Variants in ZDHHC3 observed in about 807,000 individuals in gnomAD.
ZDHHC3 encodes zDHHC palmitoyltransferase 3, also known as palmitoyltransferase ZDHHC3.
ZDHHC3 carries 9 observed loss-of-function variants against 30.6 expected under a neutral mutation model. The observed-to-expected ratio is 0.29, with a 90% CI of 0.18 to 0.51. ZDHHC3 has a LOEUF of 0.51. Among genes scored for constraint, ZDHHC3 ranks in the 20% least tolerant of loss-of-function variants. The pLI is 0.97. For synonymous variants in ZDHHC3, 136 were observed against 140.2 expected (o/e 0.97, Z 0.21); for missense variants, 246 against 384.2 (o/e 0.64, Z 3.01).
intron 4 of ZDHHC3, 145 bp from the exon 5 acceptor site, chr3:44,933,344 G>T: frequency 2.8e-6 from 2 of 712,326 alleles, no homozygotes; most frequent in East Asian, 5.3e-5. Flanking sequence ...GGGCCAGCTA[G>T]CGATTCCCTA....
intron 3 of ZDHHC3, chr3:44,938,181 A>G (rs1304989217): frequency 9.7e-6 from 2 of 205,378 alleles, no homozygotes; most frequent in Non-Finnish European, 2.0e-5. Context: ...ACGGGGTTTC[A>G]CCATGTTGGC....
In ZDHHC3 at chr3:44,922,814, C is replaced by A; in HGVS notation, c.*3875G>T. The A allele has an allele frequency of 1.0e-6, 1 of 985,194 alleles. No homozygotes were observed. Among genetic ancestry groups the A allele is most frequent in the Non-Finnish European group, 1.2e-6 (1 of 829,780 alleles). The allele number at this position is 985,194 out of a possible 1,614,324, so 61.0% of individuals were successfully genotyped here. ...AGTTCTCAGGTGATGCTGATGTTGA[C>A]GTTGCTGGTCTGGCAACCTCAAGAA... On this transcript the variant is annotated 3_prime_UTR_variant, in exon 7 of 7. Transcript: ENST00000424952.
At chr3:44,938,015 G>A (rs745317467) in intron 3 of ZDHHC3, 33 of 389,152 alleles carry the variant, frequency 8.5e-5, no homozygotes, top group Non-Finnish European at 1.2e-4. Context: ...ACAGAGTCTC[G>A]CTCTGTTGCC....
chr3:44,917,823 C>T lies in ZDHHC3; in HGVS notation c.*8866G>A, dbSNP rs1700290054. ...CTGGGAGCGCACCATGCCCATAAGC[C>T]CCTTTAGCCAAAACCCCAGGATGAA... On this transcript the variant is annotated 3_prime_UTR_variant, in exon 7 of 7. Coordinates refer to ENST00000424952, the MANE Select transcript of ZDHHC3 (RefSeq NM_001135179.2). 3 of 1,265,510 alleles carry T rather than the reference C, an allele frequency of 2.4e-6. No homozygotes were observed. Among genetic ancestry groups the T allele is most frequent in the Admixed American group, 2.4e-5 (1 of 42,406 alleles). 78.4% of individuals were successfully genotyped at this position (1,265,510 alleles called of 1,614,324 possible). A position where few individuals can be genotyped will look rare whatever the true frequency, so the allele number is the denominator to read the frequency against.
In ZDHHC3 at chr3:44,976,139, G is replaced by A. The variant is rs1024826296; in HGVS notation, c.-231C>T. On this transcript the variant is annotated 5_prime_UTR_variant, in exon 1 of 7. Transcript: ENST00000424952. ...CCATCGAGCTCTCCCGGCAGTGGCG[G>A]CGGCCGCGGCTGCAGGAGCGGCCGC... 3.2e-6 allele frequency: 2 copies of A among 629,642 alleles called. No homozygotes were observed. The highest frequency in any genetic ancestry group is 2.4e-6 in the Non-Finnish European group (1 of 417,568). 39.0% of individuals were successfully genotyped at this position (629,642 alleles called of 1,614,324 possible).
Position 44,924,476 on chromosome 3 carries a change from CTA to C in ZDHHC3, c.*2211_*2212del. The C allele has an allele frequency of 1.0e-6, 1 of 985,368 alleles. No individual in the cohort carries two copies. The highest frequency in any genetic ancestry group is 1.2e-6 in the Non-Finnish European group (1 of 829,912). 61.0% of individuals were successfully genotyped at this position (985,368 alleles called of 1,614,324 possible). A position where few individuals can be genotyped will look rare whatever the true frequency, so the allele number is the denominator to read the frequency against. ...CCTATACAAAACCAGAGGCAGAATC[CTA>C]TAGGATATCTGAAGGAACCCCACTC... On this transcript the variant is annotated 3_prime_UTR_variant, in exon 7 of 7. Transcript: ENST00000424952.
In ZDHHC3 at chr3:44,919,638, G is replaced by A. The variant is rs1455425075; in HGVS notation, c.*7051C>T. ...GCAAATGATGCAGTGTGGGATCCTG[G>A]AACAGAAAAGGGTGTTAATGGGACA... On this transcript the variant is annotated 3_prime_UTR_variant, in exon 7 of 7. Transcript: ENST00000424952. 6.6e-6 allele frequency among the ~76,000 whole-genome samples: 1 copy of A among 152,216 alleles called. No individual in the cohort carries two copies. The highest frequency in any genetic ancestry group is 2.4e-5 in the African/African-American group (1 of 41,456).
rs1045148204 is a variant in ZDHHC3, at chr3:44,921,905, T to C, written c.*4784A>G. The C allele has an allele frequency of 4.1e-6, 4 of 985,286 alleles. No homozygotes were observed. Among genetic ancestry groups the C allele is most frequent in the Admixed American group, 1.2e-4 (2 of 16,258 alleles). 61.0% of individuals were successfully genotyped at this position (985,286 alleles called of 1,614,324 possible). The stretch of plus-strand genomic sequence containing the variant: ...TCCGTGTTAGAGCATGTGCGGCCCC[T>C]AGAAGGCTTTTAGCGAACGTCCCTC... On this transcript the variant is annotated 3_prime_UTR_variant, in exon 7 of 7. Coordinates refer to ENST00000424952, the MANE Select transcript of ZDHHC3 (RefSeq NM_001135179.2).
chr3:44,922,611 C>T lies in ZDHHC3; in HGVS notation c.*4078G>A. ...TGCTGAGCCCAGCAGCACACAAGAC[C>T]CATATCACCAGCAGGCATCAGGGAC... On this transcript the variant is annotated 3_prime_UTR_variant, in exon 7 of 7. Transcript: ENST00000424952. 1.0e-6 allele frequency: 1 copy of T among 985,328 alleles called. No individual in the cohort carries two copies. The highest frequency in any genetic ancestry group is 1.2e-6 in the Non-Finnish European group (1 of 829,912). The allele number at this position is 985,328 out of a possible 1,614,324, so 61.0% of individuals were successfully genotyped here.
Position 44,967,176 on chromosome 3 carries a change from GT to G in ZDHHC3, c.-24-7717del, listed in dbSNP as rs1559723184. 2.0e-5 allele frequency among the ~76,000 whole-genome samples: 3 copies of G among 152,324 alleles called. No individual in the cohort carries two copies. In the South Asian group the frequency reaches 6.2e-4, roughly 32 times the overall value. On this transcript the variant is annotated intron_variant, in intron 1 of 6. Coordinates refer to ENST00000424952, the MANE Select transcript of ZDHHC3 (RefSeq NM_001135179.2). ...CATTGAGGAAACCAGGAAGTGGTCG[GT>G]AAACCGAAATTTCCTTCTTGCCTCA...
intron 1 of ZDHHC3, among the ~76,000 whole-genome samples, chr3:44,965,606 T>C (rs1704877037): frequency 6.6e-6 from 1 of 152,176 alleles, no homozygotes; most frequent in Non-Finnish European, 1.5e-5. Context: ...CTAATCTTTA[T>C]CATGTGGCAA....
intron 2 of ZDHHC3, among the ~76,000 whole-genome samples, chr3:44,955,495 A>C: frequency 6.7e-6 from 1 of 148,790 alleles, no homozygotes; most frequent in Middle Eastern, 3.5e-3. Context: ...ATATATTTTA[A>C]ACTAGTAATG....
At chr3:44,954,770 C>T (rs1237401599) in intron 2 of ZDHHC3, among the ~76,000 whole-genome samples, 2 of 152,118 alleles carry the variant, frequency 1.3e-5, no homozygotes, top group African/African-American at 2.4e-5. Context: ...CAATCTACAT[C>T]TGTCACGTTT....
At chr3:44,963,472 T>G (rs551090066) in intron 1 of ZDHHC3, among the ~76,000 whole-genome samples, 2 of 147,632 alleles carry the variant, frequency 1.4e-5, no homozygotes, top group East Asian at 4.0e-4. Flanking sequence ...TTCCTTAAAT[T>G]AGCCAACTGA....
At chr3:44,958,475 G>C in intron 2 of ZDHHC3, 1 of 912,040 alleles carries the variant, frequency 1.1e-6, no homozygotes, top group Non-Finnish European at 1.7e-6. Flanking sequence ...AAAAGGAACA[G>C]AACAGAGGGT....
At chr3:44,953,866 T>G (rs1161669326) in intron 2 of ZDHHC3, among the ~76,000 whole-genome samples, 1 of 152,210 alleles carries the variant, frequency 6.6e-6, no homozygotes, top group Non-Finnish European at 1.5e-5. Flanking sequence ...GCAGTGAATG[T>G]GCCAATACTT....
At chr3:44,935,253 C>T (rs1575810488) in intron 3 of ZDHHC3, among the ~76,000 whole-genome samples, 1 of 152,270 alleles carries the variant, frequency 6.6e-6, no homozygotes, top group East Asian at 1.9e-4. Context: ...TGTCTCACAC[C>T]CCCCTTCGAG....
At chr3:44,969,577 G>C (rs1296446442) in intron 1 of ZDHHC3, 1 of 152,188 alleles carries the variant, frequency 6.6e-6, no homozygotes, top group Non-Finnish European at 1.5e-5. Context: ...GAGGAGTATT[G>C]ATGTTTCCAT....
At position 44,959,596 on chromosome 3, in the gene ZDHHC3, A is replaced by C; in HGVS notation, c.-24-136T>G. 1.5e-6 allele frequency: 1 copy of C among 688,622 alleles called. No homozygotes were observed. The highest frequency in any genetic ancestry group is 1.9e-5 in the South Asian group (1 of 51,524). 42.7% of individuals were successfully genotyped at this position (688,622 alleles called of 1,614,324 possible). On this transcript the variant is annotated intron_variant, in intron 1 of 6. Coordinates refer to ENST00000424952, the MANE Select transcript of ZDHHC3 (RefSeq NM_001135179.2). The surrounding 1 kb of genome is among the most constrained non-coding windows in gnomAD (Gnocchi z 4.3). ...GCAAAGCCACCTAATCACCTTGTTCATTTAAAACATGAGTTCTCTTCCCTG... is the reference window on the plus strand; with the variant it reads ...GCAAAGCCACCTAATCACCTTGTTCCTTTAAAACATGAGTTCTCTTCCCTG...
Sources: gnomAD v4.1 joint callset for allele counts (sites outside exome capture counted in the v4.1 genomes callset) on GRCh38, gnomAD v4.1.1 for gene constraint, Gnocchi (gnomAD v3.1) non-coding constraint, MANE v1.5 for transcripts, NCBI Gene and HGNC (gene_info 2026-07-23, HGNC 2026-07-21) for gene names.